The following AFF2 variants were observed in gnomAD, a reference collection of about 807,000 sequenced individuals.
AFF2 encodes the protein ALF transcription elongation factor 2.
A neutral mutation model predicts 76.9 loss-of-function variants in AFF2; 14 were observed. The ratio of observed to expected loss-of-function variants is 0.18; its 90% CI spans 0.12 to 0.28. The LOEUF is 0.28. AFF2 is among the 10% of genes least tolerant of loss of function. AFF2 has a pLI of 1.00. For missense variants in AFF2, 868 were observed against 1,001.1 expected, an observed-to-expected ratio of 0.87 and a Z score of 1.79; for synonymous variants, 398 against 366.7, an observed-to-expected ratio of 1.09 and a Z score of -0.98.
At chrX:148,646,078 A>C (rs1473824783) in intron 1 of AFF2, among the ~76,000 whole-genome samples, 1 of 112,214 alleles carries the variant, frequency 8.9e-6, no homozygotes, top group Non-Finnish European at 1.9e-5. Context: ...AGTATCTAGA[A>C]GTGGCAAATT....
intron 7 of AFF2, among the ~76,000 whole-genome samples, chrX:148,845,078 T>C (rs1257004938): frequency 1.9e-5 from 2 of 106,393 alleles, no homozygotes; most frequent in Non-Finnish European, 3.9e-5. Context: ...CTGCCTCACT[T>C]CATCCCCATT....
intron 3 of AFF2, among the ~76,000 whole-genome samples, chrX:148,676,402 C>T (rs1221537237): frequency 9.0e-6 from 1 of 111,493 alleles, no homozygotes; most frequent in East Asian, 2.8e-4. Flanking sequence ...AAGATTCACT[C>T]GATACCTGTA....
At chrX:148,795,543 T>C (rs1432676974) in intron 3 of AFF2, among the ~76,000 whole-genome samples, 1 of 106,689 alleles carries the variant, frequency 9.4e-6, no homozygotes, top group Non-Finnish European at 1.9e-5. Flanking sequence ...TAGATCATGC[T>C]TGTAATCCCA....
chrX:148,894,725 T>C (rs566793434), intron 8 of AFF2, among the ~76,000 whole-genome samples: 3 of 111,190 alleles, frequency 2.7e-5, no homozygotes, highest in African/African-American at 9.8e-5. Flanking sequence ...ATAGAACTAC[T>C]ATATGACCCA....
At chrX:148,774,840 A>G (rs1430480142) in intron 3 of AFF2, among the ~76,000 whole-genome samples, 1 of 112,217 alleles carries the variant, frequency 8.9e-6, no homozygotes, top group East Asian at 2.8e-4. Context: ...GTCAAATGGC[A>G]GAAAAGATTA....
intron 3 of AFF2, among the ~76,000 whole-genome samples, chrX:148,688,513 G>A (rs1488211438): frequency 1.8e-5 from 2 of 111,142 alleles, no homozygotes; most frequent in African/African-American, 6.6e-5. Context: ...GTTTACATAT[G>A]TTACTCTCCC....
Position 148,684,941 on chromosome X carries a change from T to C in AFF2, c.1041+22173T>C, listed in dbSNP as rs1467391468. On this transcript the variant is annotated intron_variant, in intron 3 of 20. Transcript: ENST00000370460. ...TATGTTTAGGAATCAAAGCAGTTCTTACATTTCAACAGCTAGGTAAAAATA... is the reference window on the plus strand; with the variant it reads ...TATGTTTAGGAATCAAAGCAGTTCTCACATTTCAACAGCTAGGTAAAAATA... Among the ~76,000 whole-genome samples the C allele has an allele frequency of 9.8e-5, 11 of 112,706 alleles. No individual in the cohort carries two copies. In the Admixed American group the frequency reaches 1.0e-3, roughly 11 times the overall value.
rs2072541867 is a variant in AFF2, at chrX:148,992,287, T to C, written c.*955T>C. On this transcript the variant is annotated 3_prime_UTR_variant, in exon 21 of 21. Coordinates refer to ENST00000370460, the MANE Select transcript of AFF2 (RefSeq NM_002025.4). ...TTTACACAGTTGGTAAGTGGGTCCA[T>C]AACTGGCAGGATTTTTAAATTGTAT... The C allele has an allele frequency of 1.8e-5, 2 of 112,131 alleles. No homozygotes were observed. The highest frequency in any genetic ancestry group is 3.8e-5 in the Non-Finnish European group (2 of 53,244). The allele number at this position is 112,131 out of a possible 1,213,427, so 9.2% of individuals were successfully genotyped here.
At chrX:148,666,723 C>T (rs1557258515) in intron 3 of AFF2, among the ~76,000 whole-genome samples, 1 of 111,818 alleles carries the variant, frequency 8.9e-6, no homozygotes, top group Non-Finnish European at 1.9e-5. Flanking sequence ...GAAGAATTTT[C>T]TCGGAACTGC....
At chrX:148,894,693 T>C (rs1424367175) in intron 8 of AFF2, among the ~76,000 whole-genome samples, 4 of 111,162 alleles carry the variant, frequency 3.6e-5, no homozygotes, top group Non-Finnish European at 7.5e-5. Flanking sequence ...TATATATGTG[T>C]GTGTTTCTCA....
chrX:148,543,180 A>G (rs2052879923), intron 1 of AFF2, among the ~76,000 whole-genome samples: 1 of 111,641 alleles, frequency 9.0e-6, no homozygotes, highest in South Asian at 3.8e-4. Context: ...GCCCAATGTC[A>G]GGTGCCAGCC....
intron 3 of AFF2, among the ~76,000 whole-genome samples, chrX:148,787,509 C>T (rs1455517291): frequency 1.8e-5 from 2 of 111,915 alleles, no homozygotes; most frequent in East Asian, 5.6e-4. Context: ...TATCTAAGGC[C>T]ATGATGTCCA....
chrX:148,914,891 T>C (rs1284261975), intron 9 of AFF2, among the ~76,000 whole-genome samples: 2 of 112,814 alleles, frequency 1.8e-5, no homozygotes, highest in Non-Finnish European at 3.7e-5. Flanking sequence ...ACAGTAGGGC[T>C]ATTTAGGGCT....
intron 20 of AFF2, among the ~76,000 whole-genome samples, chrX:148,988,536 G>A (rs1448068667): frequency 1.3e-4 from 14 of 111,775 alleles, no homozygotes; most frequent in Non-Finnish European, 9.4e-5. Flanking sequence ...TGATGATGAT[G>A]GTGAAACGTC....
intron 3 of AFF2, among the ~76,000 whole-genome samples, chrX:148,699,998 G>A (rs952566563): frequency 3.6e-5 from 4 of 111,624 alleles, no homozygotes; most frequent in Non-Finnish European, 7.5e-5. Context: ...TTTTACAAAT[G>A]GGATGTGATT....
chrX:148,601,753 A>T (rs2053629259), intron 1 of AFF2, among the ~76,000 whole-genome samples: 1 of 111,830 alleles, frequency 8.9e-6, no homozygotes, highest in African/African-American at 3.2e-5. Context: ...TGTCTTATAA[A>T]TTTCAATATT....
chrX:148,581,356 A>G (rs201711753), intron 1 of AFF2, among the ~76,000 whole-genome samples: 80 of 224 alleles, frequency 0.36, 8 homozygotes, highest in Admixed American at 0.81. Flanking sequence ...GTGTACACAC[A>G]TATATACGTA....
intron 4 of AFF2, among the ~76,000 whole-genome samples, chrX:148,810,763 A>T (rs2070193208): frequency 8.9e-6 from 1 of 112,122 alleles, no homozygotes; most frequent in Non-Finnish European, 1.9e-5. Context: ...ATTGTGATAA[A>T]TGATGACCAG....
intron 1 of AFF2, among the ~76,000 whole-genome samples, chrX:148,639,887 G>T (rs781795929): frequency 3.6e-5 from 4 of 111,880 alleles, no homozygotes; most frequent in Non-Finnish European, 7.5e-5. Context: ...TAGAGGAGAA[G>T]AAAAATCTGC....
Sources: gnomAD v4.1 joint callset for allele counts (sites outside exome capture counted in the v4.1 genomes callset) on GRCh38, gnomAD v4.1.1 for gene constraint, MANE v1.5 for transcripts, NCBI Gene and HGNC (gene_info 2026-07-23, HGNC 2026-07-21) for gene names.